Variants in MAP1B observed in about 807,000 individuals in gnomAD.
The protein encoded by MAP1B is microtubule associated protein 1B.
A neutral mutation model predicts 176.1 loss-of-function variants in MAP1B; 12 were observed. That is an observed-to-expected ratio of 0.07 (90% CI 0.04 to 0.11). MAP1B has a LOEUF of 0.11. Ranked by LOEUF, MAP1B falls within the 10% of genes least tolerant of loss-of-function variation. The pLI is 1.00. For synonymous variants in MAP1B, 1,044 were observed against 1,135.0 expected (o/e 0.92, Z 1.61); for missense variants, 2,523 against 2,990.5 (o/e 0.84, Z 3.65).
chr5:72,138,983 G>A (rs1402618864), intron 2 of MAP1B, among the ~76,000 whole-genome samples: 1 of 152,136 alleles, frequency 6.6e-6, no homozygotes, highest in African/African-American at 2.4e-5. Flanking sequence ...TTCAAAAATG[G>A]TAAGCCAAGC....
chr5:72,161,883 G>A (rs1273197912), intron 2 of MAP1B, among the ~76,000 whole-genome samples: 1 of 150,928 alleles, frequency 6.6e-6, no homozygotes. Flanking sequence ...CTTGAACCCG[G>A]GAGGCGGAGG....
Position 72,195,473 on chromosome 5 carries a change from A to G in MAP1B, c.2118A>G (p.Pro706=), listed in dbSNP as rs763736426. Residue 706 remains proline (P), a synonymous_variant, in exon 5 of 7, where the codon CCA becomes CCG. Transcript: ENST00000296755. The part of the protein sequence containing the change: ...PKKEVKKETP[P]KEVKKEVKKE... ...AAGAGGTTAAGAAAGAAACACCGCC[A>G]AAGGAAGTCAAGAAGGAAGTTAAGA... 7 of 1,589,280 alleles carry G rather than the reference A, an allele frequency of 4.4e-6. No individual in the cohort carries two copies. The highest frequency in any genetic ancestry group is 1.9e-5 in the Admixed American group (1 of 53,658).
At chr5:72,191,413 G>C (rs1580016324) in intron 4 of MAP1B, among the ~76,000 whole-genome samples, 1 of 152,306 alleles carries the variant, frequency 6.6e-6, no homozygotes, top group South Asian at 2.1e-4. Flanking sequence ...GAATAAGCTT[G>C]GTCAGGTGCT....
Position 72,195,466 on chromosome 5 carries a change from C to G in MAP1B, c.2111C>G (p.Thr704Arg). ...CCCAAGAAAGAGGTTAAGAAAGAAA[C>G]ACCGCCAAAGGAAGTCAAGAAGGAA... is the stretch of plus-strand genomic sequence containing the variant. ...KEPKKEVKKE[T>R]PPKEVKKEVK... The change falls in exon 5 of 7, where the codon ACA becomes AGA. Residue 704 changes from threonine (T) to arginine (R), a missense_variant. Around this residue, in one of 4 missense-constraint regions of MAP1B, gnomAD observed 1,925 missense variants for 2,126.0 expected, o/e 0.91. Coordinates refer to ENST00000296755, the MANE Select transcript of MAP1B (RefSeq NM_005909.5). 1 of 1,588,400 alleles carries G rather than the reference C, an allele frequency of 6.3e-7. No homozygotes were observed.
chr5:72,194,267 G>A lies in MAP1B; in HGVS notation c.912G>A (p.Val304=). ...AGCTCATCCGACACTTAGACCGAGT[G>A]GACTCCATCCTGCTCACCCACATTG... ...FWKLIRHLDR[V]DSILLTHIGD... is the part of the protein sequence containing the mutation. Residue 304 remains valine (V), a synonymous_variant, in exon 5 of 7, where the codon GTG becomes GTA. Transcript: ENST00000296755. The surrounding 1 kb of genome is among the most constrained non-coding windows in gnomAD (Gnocchi z 7.2). 1.2e-6 allele frequency: 2 copies of A among 1,614,142 alleles called. No homozygotes were observed. The highest frequency in any genetic ancestry group is 1.7e-6 in the Non-Finnish European group (2 of 1,180,042).
At chr5:72,185,235 C>T (rs141817230) in intron 3 of MAP1B, among the ~76,000 whole-genome samples, 1 of 152,108 alleles carries the variant, frequency 6.6e-6, no homozygotes, top group African/African-American at 2.4e-5. Flanking sequence ...CACTTTTTGG[C>T]TGTTGTGATG....
Position 72,196,347 on chromosome 5 carries a change from G to A in MAP1B, c.2992G>A (p.Asp998Asn), listed in dbSNP as rs1470909045. The A allele has an allele frequency of 1.2e-6, 2 of 1,614,120 alleles. No homozygotes were observed. The highest frequency in any genetic ancestry group is 1.7e-5 in the Admixed American group (1 of 60,026). The change falls in exon 5 of 7, where the codon GAC (aspartate) becomes AAC (asparagine). Residue 998 changes from aspartate (D) to asparagine (N), a missense_variant. Asp to Asn is a conservative substitution (Grantham distance 23). Around this residue, in one of 4 missense-constraint regions of MAP1B, gnomAD observed 1,925 missense variants for 2,126.0 expected, o/e 0.91. Transcript: ENST00000296755. This position sits in a 1 kb window ranked among gnomAD's most constrained non-coding sequence, Gnocchi z 5.3. ...GAGGGAGTCTGTGGCCAGTGGGGAT[G>A]ACCGAGCCGAAGAAGACATGGATGA... ...EKRESVASGD[D>N]RAEEDMDEAI...
chr5:72,123,002 C>T (rs1327949469), intron 2 of MAP1B, among the ~76,000 whole-genome samples: 1 of 152,114 alleles, frequency 6.6e-6, no homozygotes, highest in African/African-American at 2.4e-5. Context: ...CAAGCAAGCA[C>T]AGTCTCTTTG....
At chr5:72,108,669 C>G (rs1210416535) in intron 1 of MAP1B, among the ~76,000 whole-genome samples, 2 of 152,020 alleles carry the variant, frequency 1.3e-5, no homozygotes, top group East Asian at 3.9e-4. Flanking sequence ...GCCTCCGGAC[C>G]GCCCGCCACA....
At position 72,107,590 on chromosome 5, in the gene MAP1B, C is replaced by A. The variant is rs1745106511; in HGVS notation, c.59C>A (p.Pro20Gln). The part of the protein sequence containing the change: ...EPEPSGSIAN[P>Q]AASTSPSLSH... ...GAGCCGTCCGGCAGCATCGCCAACCCGGCGGCGTCCACCTCGCCTAGCCTG... is the reference window on the plus strand; with the variant it reads ...GAGCCGTCCGGCAGCATCGCCAACCAGGCGGCGTCCACCTCGCCTAGCCTG... The change falls in exon 1 of 7, where the codon CCG becomes CAG. Residue 20 changes from proline (P) to glutamine (Q), a missense_variant. Pro to Gln is a moderately conservative substitution (Grantham distance 76). Around this residue, in one of 4 missense-constraint regions of MAP1B, gnomAD observed 307 missense variants for 438.4 expected, o/e 0.70. Transcript: ENST00000296755. 1.3e-6 allele frequency: 2 copies of A among 1,593,510 alleles called. No homozygotes were observed. Among genetic ancestry groups the A allele is most frequent in the Admixed American group, 1.7e-5 (1 of 59,126 alleles).
chr5:72,206,476 A>AC lies in MAP1B; in HGVS notation c.*1238dup, dbSNP rs1747451112. 1 of 152,632 alleles carries AC rather than the reference A, an allele frequency of 6.6e-6. No homozygotes were observed. Among genetic ancestry groups the AC allele is most frequent in the Admixed American group, 6.5e-5 (1 of 15,276 alleles). The allele number at this position is 152,632 out of a possible 1,614,324, so 9.5% of individuals were successfully genotyped here. A position where few individuals can be genotyped will look rare whatever the true frequency, so the allele number is the denominator to read the frequency against. On this transcript the variant is annotated 3_prime_UTR_variant, in exon 7 of 7. Coordinates refer to ENST00000296755, the MANE Select transcript of MAP1B (RefSeq NM_005909.5). ...GGCTTCTATGATCAGAACTGGGAAA[A>AC]CAGTGAATCTTATGGTGGAAGAGGT...
At chr5:72,141,260 G>C (rs979553298) in intron 2 of MAP1B, among the ~76,000 whole-genome samples, 3 of 152,122 alleles carry the variant, frequency 2.0e-5, no homozygotes, top group African/African-American at 7.2e-5. Context: ...CAGAGACACT[G>C]GTGCCGTGAC....
intron 2 of MAP1B, among the ~76,000 whole-genome samples, chr5:72,133,008 C>T (rs934122443): frequency 1.3e-5 from 2 of 152,098 alleles, no homozygotes; most frequent in African/African-American, 2.4e-5. Context: ...GCAATTTTAC[C>T]CGCTCATCTA....
chr5:72,141,751 G>A (rs904005183), intron 2 of MAP1B, among the ~76,000 whole-genome samples: 4 of 152,094 alleles, frequency 2.6e-5, no homozygotes, highest in African/African-American at 9.7e-5. Context: ...TTTGCAAGAG[G>A]ATCATGGTTT....
At chr5:72,178,725 GGTGT>G (rs34082751) in intron 2 of MAP1B, among the ~76,000 whole-genome samples, 5,554 of 140,300 alleles carry the variant, frequency 0.04, 136 homozygotes, top group African/African-American at 0.072. Flanking sequence ...GCCTCTGAGG[GGTGT>G]GTGTGTGTGT....
At chr5:72,142,673 C>G (rs1477851511) in intron 2 of MAP1B, among the ~76,000 whole-genome samples, 2 of 148,000 alleles carry the variant, frequency 1.4e-5, no homozygotes, top group Non-Finnish European at 3.0e-5. Flanking sequence ...GATTTTTTTT[C>G]AGGAAAAAAA....
rs1032682238 is a variant in MAP1B, at chr5:72,195,518, G to T, written c.2163G>T (p.Val721=). 1.3e-6 allele frequency: 2 copies of T among 1,582,008 alleles called. No homozygotes were observed. Among genetic ancestry groups the T allele is most frequent in the Non-Finnish European group, 1.7e-6 (2 of 1,171,712 alleles). Residue 721 remains valine, a synonymous_variant, in exon 5 of 7, where the codon GTG becomes GTT. Transcript: ENST00000296755. ...TTAAGAAGGAAGAGAAGAAGGAAGT[G>T]AAAAAGGAAGAAAAGGAACCCAAAA... ...KEVKKEEKKE[V]KKEEKEPKKE...
Position 72,196,562 on chromosome 5 carries a change from C to G in MAP1B, c.3207C>G (p.Thr1069=), listed in dbSNP as rs753853927. ...EEQYGFLTTP[T]KQLGAQSPGR... ...AGTATGGATTCCTCACCACACCAAC[C>G]AAGCAACTAGGAGCCCAGTCTCCTG... Residue 1069 remains threonine (T), a synonymous_variant, in exon 5 of 7, where the codon ACC becomes ACG. Transcript: ENST00000296755. This position sits in a 1 kb window ranked among gnomAD's most constrained non-coding sequence, Gnocchi z 5.3. The G allele has an allele frequency of 1.2e-6, 2 of 1,613,640 alleles. No homozygotes were observed. Among genetic ancestry groups the G allele is most frequent in the Non-Finnish European group, 1.7e-6 (2 of 1,180,034 alleles).
At chr5:72,150,150 G>A (rs1300063088) in intron 2 of MAP1B, among the ~76,000 whole-genome samples, 1 of 152,208 alleles carries the variant, frequency 6.6e-6, no homozygotes. Context: ...GACTTGGTGT[G>A]CAATATAAAC....
Sources: gnomAD v4.1 joint callset for allele counts (sites outside exome capture counted in the v4.1 genomes callset) on GRCh38, gnomAD v4.1.1 for gene constraint, gnomAD v4.1.1 regional missense constraint, Gnocchi (gnomAD v3.1) non-coding constraint, MANE v1.5 for transcripts, NCBI Gene and HGNC (gene_info 2026-07-23, HGNC 2026-07-21) for gene names.